Variants in HIPK1 observed in about 807,000 individuals in gnomAD.
The protein encoded by HIPK1 is homeodomain-interacting protein kinase 1.
Under a neutral mutation model 117.1 loss-of-function variants are expected in HIPK1, and 28 were observed. The observed-to-expected ratio is 0.24, with a 90% CI of 0.18 to 0.33. The LOEUF is 0.33. HIPK1 is among the 10% of genes least tolerant of loss of function. HIPK1 has a pLI of 1.00. For missense variants in HIPK1, 1,122 were observed against 1,475.1 expected (o/e 0.76, Z 3.92); for synonymous variants, 605 against 562.5 (o/e 1.08, Z -1.07).
rs1228631044 is a variant in HIPK1 at position 113,973,215 on chromosome 1, T to C, written c.3336T>C (p.Tyr1112=). The change falls in exon 16 of 16, where the codon TAT becomes TAC. Residue 1112 remains tyrosine (Y), a synonymous_variant. Coordinates refer to ENST00000426820, the MANE Select transcript of HIPK1 (RefSeq NM_198268.3). The part of the protein sequence containing the change: ...PAHLPSQAHL[Y]TYAAPTSAAA... ...ACCTGCCAAGCCAGGCTCATCTGTA[T>C]ACGTATGCTGCCCCGACTTCTGCTG... 1.2e-6 allele frequency: 2 copies of C among 1,613,878 alleles called. No homozygotes were observed. Among genetic ancestry groups the C allele is most frequent in the Non-Finnish European group, 1.7e-6 (2 of 1,179,960 alleles).
intron 1 of HIPK1, chr1:113,930,819 G>A (rs1314940945): frequency 6.6e-6 from 1 of 152,048 alleles, no homozygotes; most frequent in Non-Finnish European, 1.5e-5. Context: ...AGGATGGGAG[G>A]ATGCGGGTAG....
chr1:113,940,236 A>G, intron 1 of HIPK1, 146 bp from the exon 2 acceptor site: 1 of 763,274 alleles, frequency 1.3e-6, no homozygotes, highest in Non-Finnish European at 2.1e-6. Flanking sequence ...ATAGGTCAAG[A>G]TTGAATTAGT....
chr1:113,933,276 G>A (rs1670019969), intron 1 of HIPK1: 4 of 796,316 alleles, frequency 5.0e-6, no homozygotes, highest in Non-Finnish European at 6.1e-6. Context: ...GGGGGAAAAT[G>A]AAGTTCAGAG....
At chr1:113,929,883 C>T in intron 1 of HIPK1, 3 of 987,034 alleles carry the variant, frequency 3.0e-6, no homozygotes, top group Non-Finnish European at 2.4e-6. Flanking sequence ...ATCTCGTCTC[C>T]TCCGCCGCCT....
Position 113,976,648 on chromosome 1 carries a change from A to G in HIPK1, c.*3136A>G, listed in dbSNP as rs1673148608. On this transcript the variant is annotated 3_prime_UTR_variant, in exon 16 of 16. Coordinates refer to ENST00000426820, the MANE Select transcript of HIPK1 (RefSeq NM_198268.3). ...AAACTGGCATTTCCGATTTTCCAGC[A>G]TAAAAATCCACCTGTGTCTGCTGAA... 6.5e-6 allele frequency: 1 copy of G among 152,806 alleles called. No individual in the cohort carries two copies. Among genetic ancestry groups the G allele is most frequent in the African/African-American group, 2.4e-5 (1 of 41,452 alleles). The allele number at this position is 152,806 out of a possible 1,614,324, so 9.5% of individuals were successfully genotyped here.
At chr1:113,954,587 G>A (rs761141997) in intron 3 of HIPK1, 64 bp from the exon 4 acceptor site, 4 of 1,571,812 alleles carry the variant, frequency 2.5e-6, no homozygotes, top group Middle Eastern at 1.7e-4. Context: ...ATGTTTTAGT[G>A]TAAAAGCCTT....
intron 1 of HIPK1, among the ~76,000 whole-genome samples, chr1:113,938,288 CTT>C (rs1315545881): frequency 6.9e-6 from 1 of 144,352 alleles, no homozygotes; most frequent in African/African-American, 2.5e-5. Context: ...CTTTTCTTTT[CTT>C]TTTTTTTTTT....
intron 10 of HIPK1, 67 bp downstream of exon 10, chr1:113,963,588 CTGTT>C: frequency 3.2e-6 from 5 of 1,538,804 alleles, no homozygotes; most frequent in Non-Finnish European, 4.4e-6. Context: ...TTGTTTTTTC[CTGTT>C]TGTTTTTGTT....
intron 8 of HIPK1, among the ~76,000 whole-genome samples, chr1:113,961,439 C>A (rs1286848170): frequency 6.6e-6 from 1 of 151,932 alleles, no homozygotes; most frequent in Non-Finnish European, 1.5e-5. Flanking sequence ...TCAGTTCATG[C>A]CTGGTTAAGG....
chr1:113,973,243 G>C lies in HIPK1; in HGVS notation c.3364G>C (p.Ala1122Pro). Reference protein sequence around the residue: ...YTYAAPTSAAALGSTSSIAHL... With the variant: ...YTYAAPTSAAPLGSTSSIAHL... ...GTATGCTGCCCCGACTTCTGCTGCTGCACTGGGCTCAACCAGCTCCATTGC... is the reference window on the plus strand; with the variant it reads ...GTATGCTGCCCCGACTTCTGCTGCTCCACTGGGCTCAACCAGCTCCATTGC... Residue 1122 changes from alanine to proline, a missense_variant, in exon 16 of 16, where the codon GCA (alanine) becomes CCA (proline). This residue lies in a region of HIPK1 where 731 missense variants were observed against 860.4 expected (regional missense o/e 0.85). Transcript: ENST00000426820. 6.2e-7 allele frequency: 1 copy of C among 1,614,096 alleles called. No homozygotes were observed. Among genetic ancestry groups the C allele is most frequent in the East Asian group, 2.2e-5 (1 of 44,882 alleles).
intron 5 of HIPK1, among the ~76,000 whole-genome samples, chr1:113,955,876 AGT>A (rs1363788469): frequency 6.6e-6 from 1 of 152,120 alleles, no homozygotes; most frequent in African/African-American, 2.4e-5. Context: ...GTTACATAGC[AGT>A]GTTTTAAAAT....
chr1:113,951,961 T>C (rs80223994), intron 2 of HIPK1, among the ~76,000 whole-genome samples: 1 of 150,252 alleles, frequency 6.7e-6, no homozygotes, highest in Non-Finnish European at 1.5e-5. Context: ...TTTTTTTTTT[T>C]TGGACTGTCT....
At chr1:113,952,506 C>A (rs1386975535) in intron 2 of HIPK1, among the ~76,000 whole-genome samples, 1 of 152,130 alleles carries the variant, frequency 6.6e-6, no homozygotes, top group Non-Finnish European at 1.5e-5. Flanking sequence ...GATTATAGTG[C>A]ACTGCCCTGA....
At chr1:113,938,288 C>CT (rs1315545881) in intron 1 of HIPK1, among the ~76,000 whole-genome samples, 381 of 144,296 alleles carry the variant, frequency 2.6e-3, no homozygotes, top group African/African-American at 3.7e-3. Context: ...CTTTTCTTTT[C>CT]TTTTTTTTTT....
chr1:113,971,507 A>G (rs1286110570), intron 14 of HIPK1, among the ~76,000 whole-genome samples: 4 of 152,210 alleles, frequency 2.6e-5, no homozygotes, highest in Admixed American at 2.6e-4. Flanking sequence ...CCCTTCCTAC[A>G]TAAAACTATA....
In HIPK1 at chr1:113,973,330, A is replaced by T; in HGVS notation, c.3451A>T (p.Thr1151Ser). 1.9e-6 allele frequency: 3 copies of T among 1,613,856 alleles called. No homozygotes were observed. Among genetic ancestry groups the T allele is most frequent in the Non-Finnish European group, 2.5e-6 (3 of 1,179,950 alleles). ...HAAAYTTHPS[T>S]LVHQVPVSVG... ...TGCAGCCTATACCACTCACCCTAGC[A>T]CTTTGGTGCACCAGGTCCCTGTCAG... is the stretch of plus-strand genomic sequence containing the variant. The change falls in exon 16 of 16, where the codon ACT becomes TCT. Residue 1151 changes from threonine (T) to serine (S), a missense_variant. Physicochemically the swap from Thr to Ser is moderately conservative, Grantham distance 58. Transcript: ENST00000426820.
In HIPK1 at chr1:113,938,376, A is replaced by G. The variant is rs375798868; in HGVS notation, c.-2-2006A>G. The stretch of plus-strand genomic sequence containing the variant: ...TGCCTGGGCCTCCCAAAGTGCGGGA[A>G]TTACAGGCTTGAGCGACCATGGCCA... On this transcript the variant is annotated intron_variant, in intron 1 of 15. Transcript: ENST00000426820. Among the ~76,000 whole-genome samples the G allele has an allele frequency of 4.6e-5, 7 of 151,952 alleles. No homozygotes were observed. The East Asian group carries it at 5.8e-4, about 13-fold the overall frequency.
chr1:113,965,023 T>G (rs1158807927), intron 10 of HIPK1, among the ~76,000 whole-genome samples: 3 of 152,268 alleles, frequency 2.0e-5, no homozygotes, highest in Non-Finnish European at 4.4e-5. Context: ...AACATACTTC[T>G]TTTATTTTTT....
rs1258804762 is a variant in HIPK1, at chr1:113,941,487, C to CT, written c.1076+30dup. 1.9e-6 allele frequency: 3 copies of CT among 1,560,804 alleles called. No homozygotes were observed. In the African/African-American group the frequency reaches 4.1e-5, roughly 21 times the overall value. Reference sequence around the variant, plus strand: ...AAGTGGCAAATGCTGAAAATCGTATCTTAGGCTAGAGTTCTGTCCTTATAT... The same window carrying CT: ...AAGTGGCAAATGCTGAAAATCGTATCTTTAGGCTAGAGTTCTGTCCTTATAT... On this transcript the variant is annotated intron_variant, in intron 2 of 15. Transcript: ENST00000426820. The surrounding 1 kb of genome is among the most constrained non-coding windows in gnomAD (Gnocchi z 4.9).
Sources: allele counts gnomAD v4.1 joint callset (sites outside exome capture counted in the v4.1 genomes callset), GRCh38; gene constraint gnomAD v4.1.1; regional missense constraint gnomAD v4.1.1; non-coding constraint Gnocchi (gnomAD v3.1); transcripts MANE v1.5; gene names NCBI Gene and HGNC (gene_info 2026-07-23, HGNC 2026-07-21).